Variants in CAPN9 observed in about 807,000 individuals in gnomAD.
CAPN9 encodes the protein calpain-9.
CAPN9 carries 81 observed loss-of-function variants against 92.8 expected under a neutral mutation model. That is an observed-to-expected ratio of 0.87 (90% CI 0.73 to 1.05). The LOEUF is 1.05. Ranked by LOEUF, CAPN9 falls within the 50% of genes least tolerant of loss-of-function variation. CAPN9 has a pLI of 0.00. For synonymous variants in CAPN9, 304 were observed against 328.0 expected (o/e 0.93, Z 0.79); for missense variants, 848 against 866.2 (o/e 0.98, Z 0.26).
Position 230,788,717 on chromosome 1 carries a change from C to T in CAPN9, c.1599+1115C>T, listed in dbSNP as rs1933634. On this transcript the variant is annotated intron_variant, in intron 13 of 19. Transcript: ENST00000271971. ...AGCACAGCAGGAAGGTGGCTGAGCGCAGCCCTGGGCGGGACAGAGCATGGT... is the reference window on the plus strand; with the variant it reads ...AGCACAGCAGGAAGGTGGCTGAGCGTAGCCCTGGGCGGGACAGAGCATGGT... 3.2e-3 allele frequency among the ~76,000 whole-genome samples: 486 copies of T among 152,270 alleles called. 5 individuals carry two copies. Among genetic ancestry groups the T allele is most frequent in the African/African-American group, 0.011 (465 of 41,540 alleles).
intron 4 of CAPN9, among the ~76,000 whole-genome samples, chr1:230,763,903 A>T (rs1245674058): frequency 6.6e-6 from 1 of 152,218 alleles, no homozygotes; most frequent in East Asian, 1.9e-4. Flanking sequence ...ACTGTTTCCA[A>T]GTCCAGTGGG....
chr1:230,786,059 A>G, intron 12 of CAPN9, 42 bp downstream of exon 12: 2 of 1,611,084 alleles, frequency 1.2e-6, no homozygotes, highest in Non-Finnish European at 1.7e-6. Flanking sequence ...GATTCAGGTG[A>G]TGGTTCTGGA....
intron 14 of CAPN9, 114 bp downstream of exon 14, chr1:230,790,303 T>G: frequency 7.1e-7 from 1 of 1,414,940 alleles, no homozygotes; most frequent in Non-Finnish European, 9.3e-7. Context: ...AGGGCTGATT[T>G]GTAGGTAGAC....
chr1:230,768,700 CTA>C (rs1470196518), intron 5 of CAPN9, among the ~76,000 whole-genome samples: 1 of 152,128 alleles, frequency 6.6e-6, no homozygotes, highest in East Asian at 1.9e-4. Context: ...TGCTATGACA[CTA>C]TGTATTTTTT....
At chr1:230,767,978 C>T (rs1384399960) in intron 5 of CAPN9, among the ~76,000 whole-genome samples, 3 of 147,448 alleles carry the variant, frequency 2.0e-5, no homozygotes, top group Non-Finnish European at 3.0e-5. Flanking sequence ...CAAACCTGCA[C>T]GTTGTGCACA....
chr1:230,751,603 AAGAAAGAGAAAGAAAG>A (rs1664798253), intron 1 of CAPN9, among the ~76,000 whole-genome samples: 1 of 13,454 alleles, frequency 7.4e-5, no homozygotes, highest in African/African-American at 3.4e-4. Flanking sequence ...GAAAGAAAGA[AAGAAAGAGAAAGAAAG>A]AAAGAAAGAA....
At position 230,755,343 on chromosome 1, in the gene CAPN9, G is replaced by A. The variant is rs200358258; in HGVS notation, c.220G>A (p.Val74Met). The change falls in exon 2 of 20, where the codon GTG (valine) becomes ATG (methionine). Residue 74 changes from valine to methionine, a missense_variant. Coordinates refer to ENST00000271971, the MANE Select transcript of CAPN9 (RefSeq NM_006615.3). ...AACACTCTCATTCCTCCAGGAAATCGTGAAAAACCCAGAATTCATTCTTGG... is the reference window on the plus strand; with the variant it reads ...AACACTCTCATTCCTCCAGGAAATCATGAAAAACCCAGAATTCATTCTTGG... The part of the protein sequence containing the change: ...PFVWKRPGEI[V>M]KNPEFILGGA... The A allele has an allele frequency of 5.2e-5, 83 of 1,609,332 alleles. No homozygotes were observed. The highest frequency in any genetic ancestry group is 1.7e-4 in the Middle Eastern group (1 of 6,048).
chr1:230,796,027 A>AT (rs1447070126), intron 18 of CAPN9, among the ~76,000 whole-genome samples: 2 of 130,506 alleles, frequency 1.5e-5, no homozygotes, highest in South Asian at 2.7e-4. Flanking sequence ...TGAATACTTG[A>AT]TTAAAAAAAA....
rs57738295 is a variant in CAPN9, at chr1:230,789,473, C to CAAAAAAAA, written c.1600-639_1600-632dup. ...TGGATGACAGAGCAAGACCCTGTAT[C>CAAAAAAAA]AAAAAAAAAAAAAAAAAAAAAAAAA... On this transcript the variant is annotated intron_variant, in intron 13 of 19. Coordinates refer to ENST00000271971, the MANE Select transcript of CAPN9 (RefSeq NM_006615.3). Among the ~76,000 whole-genome samples, 12 of 66,280 alleles carry CAAAAAAAA rather than the reference C, an allele frequency of 1.8e-4. No individual in the cohort carries two copies. In the East Asian group the frequency reaches 6.9e-3, roughly 38 times the overall value. 43.5% of individuals were successfully genotyped at this position (66,280 alleles called of 152,430 possible).
At chr1:230,794,839 T>A (rs188448331) in intron 17 of CAPN9, among the ~76,000 whole-genome samples, 371 of 152,334 alleles carry the variant, frequency 2.4e-3, no homozygotes, top group Middle Eastern at 6.8e-3. Flanking sequence ...CAAAGCTTCC[T>A]GTAAAGTCAG....
chr1:230,779,097 C>G lies in CAPN9; in HGVS notation c.1078C>G (p.Arg360Gly), dbSNP rs780436701. The change falls in exon 9 of 20, where the codon CGC becomes GGC. Residue 360 changes from arginine to glycine, a missense_variant. Transcript: ENST00000271971. ...GACGGTCCATCAGGGAAGCTGGGTT[C>G]GCGGCTCCACGGCTGGGGGCTGCCG... ...EVTVHQGSWV[R>G]GSTAGGCRNF... 6.2e-7 allele frequency: 1 copy of G among 1,612,712 alleles called. No homozygotes were observed. Among genetic ancestry groups the G allele is most frequent in the Non-Finnish European group, 8.5e-7 (1 of 1,179,918 alleles).
At chr1:230,792,664 G>A (rs537314302) in intron 16 of CAPN9, among the ~76,000 whole-genome samples, 170 bp downstream of exon 16, 14 of 152,200 alleles carry the variant, frequency 9.2e-5, no homozygotes, top group Non-Finnish European at 1.6e-4. Context: ...GAGTACCACC[G>A]TGCTTCCACC....
intron 9 of CAPN9, 28 bp from the exon 10 acceptor site, chr1:230,780,151 A>G (rs778260379): frequency 1.9e-5 from 31 of 1,598,836 alleles, no homozygotes; most frequent in Non-Finnish European, 2.6e-5. Flanking sequence ...TTAAAAGGGG[A>G]AAATAATCTA....
chr1:230,778,511 TAC>T (rs540732516), intron 8 of CAPN9, among the ~76,000 whole-genome samples: 2 of 152,212 alleles, frequency 1.3e-5, no homozygotes, highest in African/African-American at 2.4e-5. Flanking sequence ...TCTTATTCCT[TAC>T]AGACACCTCG....
At chr1:230,783,924 C>G (rs914246790) in intron 11 of CAPN9, among the ~76,000 whole-genome samples, 1 of 152,144 alleles carries the variant, frequency 6.6e-6, no homozygotes, top group Non-Finnish European at 1.5e-5. Context: ...TTCAGGCTGC[C>G]GAGGTCTCAG....
At chr1:230,757,518 C>A (rs1186704072) in intron 2 of CAPN9, among the ~76,000 whole-genome samples, 1 of 152,114 alleles carries the variant, frequency 6.6e-6, no homozygotes, top group African/African-American at 2.4e-5. Flanking sequence ...AAGTACTGTA[C>A]ATGGCATATA....
chr1:230,766,301 A>C (rs535913265), intron 4 of CAPN9, among the ~76,000 whole-genome samples: 5 of 152,234 alleles, frequency 3.3e-5, no homozygotes, highest in Non-Finnish European at 7.4e-5. Flanking sequence ...TTTTATTTTT[A>C]TGGATGCATA....
At chr1:230,748,577 T>C (rs28359589) in intron 1 of CAPN9, among the ~76,000 whole-genome samples, 32,777 of 152,148 alleles carry the variant, frequency 0.22, 3,734 homozygotes, top group Non-Finnish European at 0.26. Context: ...TCCCTGAGCC[T>C]CAGTCTCCTC....
intron 8 of CAPN9, among the ~76,000 whole-genome samples, chr1:230,775,185 T>A (rs932226464): frequency 1.3e-5 from 2 of 152,158 alleles, no homozygotes; most frequent in African/African-American, 4.8e-5. Flanking sequence ...AGGGGGTTCC[T>A]GCAATCCAAT....
Sources: allele counts gnomAD v4.1 joint callset (sites outside exome capture counted in the v4.1 genomes callset), GRCh38; gene constraint gnomAD v4.1.1; transcripts MANE v1.5; gene names NCBI Gene and HGNC (gene_info 2026-07-23, HGNC 2026-07-21).